The following R3HDM1 variants were observed in gnomAD, a reference collection of about 807,000 sequenced individuals.
R3HDM1 encodes the protein R3H domain containing 1.
R3HDM1 carries 46 observed loss-of-function variants against 141.1 expected under a neutral mutation model. That is an observed-to-expected ratio of 0.33 (90% CI 0.26 to 0.42). R3HDM1 has a LOEUF of 0.42. Ranked by LOEUF, R3HDM1 falls within the 10% of genes least tolerant of loss-of-function variation. The pLI is 1.00. For synonymous variants in R3HDM1, 435 were observed against 472.9 expected (o/e 0.92, Z 1.04); for missense variants, 1,184 against 1,368.3 (o/e 0.87, Z 2.12).
chr2:135,621,824 C>G (rs190553353), intron 6 of R3HDM1: 1 of 982,112 alleles, frequency 1.0e-6, no homozygotes, highest in African/African-American at 1.8e-5. Flanking sequence ...ACATAACAGA[C>G]GTTGAGGACA....
chr2:135,559,167 A>G (rs2097101951), intron 1 of R3HDM1: 1 of 521,394 alleles, frequency 1.9e-6, no homozygotes, highest in Non-Finnish European at 2.5e-6. Context: ...GCTAGAGTGC[A>G]GTGGCATGAT....
chr2:135,565,839 G>C (rs1702670322), intron 1 of R3HDM1: 1 of 152,862 alleles, frequency 6.5e-6, no homozygotes, highest in African/African-American at 2.4e-5. Context: ...GTCCGGTGGA[G>C]TCAAAGGAAT....
chr2:135,717,192 T>C (rs2076249975), intron 24 of R3HDM1, among the ~76,000 whole-genome samples: 1 of 151,994 alleles, frequency 6.6e-6, no homozygotes, highest in African/African-American at 2.4e-5. Flanking sequence ...TAGTAAAGAA[T>C]GTTCTCACTT....
chr2:135,680,643 G>A (rs913072847), intron 21 of R3HDM1, among the ~76,000 whole-genome samples: 1 of 152,184 alleles, frequency 6.6e-6, no homozygotes. Context: ...GGTGGCGTAC[G>A]CCTGTGATCG....
intron 21 of R3HDM1, among the ~76,000 whole-genome samples, chr2:135,701,877 T>G (rs1043846580): frequency 1.3e-5 from 2 of 152,192 alleles, no homozygotes; most frequent in Non-Finnish European, 2.9e-5. Flanking sequence ...GTGTGCACCA[T>G]TTTTATTCAT....
intron 3 of R3HDM1, among the ~76,000 whole-genome samples, chr2:135,615,659 A>G (rs1409085762): frequency 6.6e-6 from 1 of 152,164 alleles, no homozygotes; most frequent in Non-Finnish European, 1.5e-5. Context: ...GGTGTACTTT[A>G]TACAGTGTTG....
rs1265804216 is a variant in R3HDM1 at position 135,639,040 on chromosome 2, C to T, written c.1137C>T (p.Ala379=). The T allele has an allele frequency of 6.2e-7, 1 of 1,614,156 alleles. No homozygotes were observed. Among genetic ancestry groups the T allele is most frequent in the Non-Finnish European group, 8.5e-7 (1 of 1,180,022 alleles). ...ACCTGAAACCTGCTGTAACCAAAGCCAGCAGCTTCAGTGGAATCTCAGTCC... is the reference window on the plus strand; with the variant it reads ...ACCTGAAACCTGCTGTAACCAAAGCTAGCAGCTTCAGTGGAATCTCAGTCC... ...LRNLKPAVTK[A]SSFSGISVLT... is the part of the protein sequence containing the mutation. The change falls in exon 14 of 27, where the codon GCC becomes GCT. Residue 379 remains alanine, a synonymous_variant. Transcript: ENST00000683871.
chr2:135,681,075 C>T (rs960430377), intron 21 of R3HDM1, among the ~76,000 whole-genome samples: 2 of 152,150 alleles, frequency 1.3e-5, no homozygotes, highest in African/African-American at 4.8e-5. Context: ...GATAGTAGTT[C>T]TACATTAAAG....
intron 5 of R3HDM1, among the ~76,000 whole-genome samples, chr2:135,617,883 C>A (rs1014475908): frequency 5.3e-5 from 8 of 152,194 alleles, no homozygotes; most frequent in Non-Finnish European, 1.2e-4. Context: ...ACATGTACAT[C>A]TTTTTTATAA....
At chr2:135,665,546 ATT>A (rs1211327918) in intron 19 of R3HDM1, 3 of 447,720 alleles carry the variant, frequency 6.7e-6, no homozygotes, top group African/African-American at 6.1e-5. Flanking sequence ...AGGTGTTAAC[ATT>A]TGTTTATATT....
chr2:135,577,258 A>T, intron 1 of R3HDM1: 1 of 963,758 alleles, frequency 1.0e-6, no homozygotes, highest in Non-Finnish European at 1.2e-6. Context: ...CATGAAAAAA[A>T]GTCAAAAACA....
chr2:135,613,462 C>G (rs1046016682), intron 3 of R3HDM1, among the ~76,000 whole-genome samples: 2 of 152,154 alleles, frequency 1.3e-5, no homozygotes, highest in Non-Finnish European at 2.9e-5. Context: ...TTGATTGAAT[C>G]AGACTCACCT....
chr2:135,639,732 GAA>G (rs980908650), intron 14 of R3HDM1, among the ~76,000 whole-genome samples: 18 of 152,120 alleles, frequency 1.2e-4, no homozygotes, highest in African/African-American at 3.6e-4. Flanking sequence ...CAATACTAAA[GAA>G]GCTCATATGT....
chr2:135,702,217 GAAAAAAAAAAAAA>G (rs35183953), intron 21 of R3HDM1, among the ~76,000 whole-genome samples: 2 of 120,850 alleles, frequency 1.7e-5, no homozygotes, highest in East Asian at 3.3e-4. Flanking sequence ...GTCTCAGGGG[GAAAAAAAAAAAAA>G]AAAAAAAAAA....
intron 1 of R3HDM1, among the ~76,000 whole-genome samples, chr2:135,559,757 A>T (rs1435158764): frequency 6.6e-6 from 1 of 152,168 alleles, no homozygotes; most frequent in Non-Finnish European, 1.5e-5. Flanking sequence ...GGAACTGTCT[A>T]TCTCCATGAA....
intron 3 of R3HDM1, among the ~76,000 whole-genome samples, chr2:135,609,322 G>A (rs2060330296): frequency 6.6e-6 from 1 of 152,040 alleles, no homozygotes; most frequent in Non-Finnish European, 1.5e-5. Flanking sequence ...GAAATTTTAG[G>A]ATTACTTTCA....
Position 135,724,123 on chromosome 2 carries a change from C to CT in R3HDM1, c.3237dup (p.Lys1080Ter). 1.2e-6 allele frequency: 2 copies of CT among 1,614,080 alleles called. No individual in the cohort carries two copies. The highest frequency in any genetic ancestry group is 1.7e-6 in the Non-Finnish European group (2 of 1,180,016). On this transcript the variant is annotated frameshift_variant, in exon 27 of 27. Coordinates refer to ENST00000683871, the MANE Select transcript of R3HDM1 (RefSeq NM_001378107.1). LOFTEE classifies it high-confidence loss of function. ...GACAACACTGCCAACCCTGAACGCT[C>CT]TAAACCCAGTGACTTGGCCTCCACC...
chr2:135,594,085 C>A (rs1201997667), intron 1 of R3HDM1, among the ~76,000 whole-genome samples: 1 of 152,196 alleles, frequency 6.6e-6, no homozygotes, highest in African/African-American at 2.4e-5. Context: ...GCCATTCACC[C>A]GCTTCTGTGG....
At chr2:135,659,049 CTGTGTGTGTGTGTG>C (rs548436817) in intron 18 of R3HDM1, among the ~76,000 whole-genome samples, 3 of 126,400 alleles carry the variant, frequency 2.4e-5, no homozygotes, top group Non-Finnish European at 3.3e-5. Context: ...CTACCTGAGT[CTGTGTGTGTGTGTG>C]TGTGTGTGTG....
Sources: gnomAD v4.1 joint callset for allele counts (sites outside exome capture counted in the v4.1 genomes callset) on GRCh38, gnomAD v4.1.1 for gene constraint, MANE v1.5 for transcripts, NCBI Gene and HGNC (gene_info 2026-07-23, HGNC 2026-07-21) for gene names.